The following ADCY5 variants were observed in gnomAD, a reference collection of about 807,000 sequenced individuals.
ADCY5 encodes adenylate cyclase type 5.
A neutral mutation model predicts 119.7 loss-of-function variants in ADCY5; 30 were observed. The observed-to-expected ratio is 0.25, with a 90% CI of 0.19 to 0.34. The LOEUF (loss-of-function observed/expected upper bound fraction) is 0.34. Among genes scored for constraint, ADCY5 ranks in the 10% least tolerant of loss-of-function variants. ADCY5 has a pLI of 1.00. For synonymous variants in ADCY5, 753 were observed against 762.2 expected, an observed-to-expected ratio of 0.99 and a Z score of 0.20; for missense variants, 1,324 against 1,775.2, an observed-to-expected ratio of 0.75 and a Z score of 4.57.
Position 123,286,537 on chromosome 3 carries a change from A to C in ADCY5, c.3657+148T>G. 8.6e-7 allele frequency: 1 copy of C among 1,162,234 alleles called. No individual in the cohort carries two copies. The allele number at this position is 1,162,234 out of a possible 1,614,324, so 72.0% of individuals were successfully genotyped here. Reference sequence around the variant, plus strand: ...ACACAATTGTGTTCTCCAAGCTTCCAAGACATCAGCGTCAACAGCCCCATC... The same window carrying C: ...ACACAATTGTGTTCTCCAAGCTTCCCAGACATCAGCGTCAACAGCCCCATC... On this transcript the variant is annotated intron_variant, in intron 20 of 20. Transcript: ENST00000462833. This position sits in a 1 kb window ranked among gnomAD's most constrained non-coding sequence, Gnocchi z 4.2.
intron 1 of ADCY5, among the ~76,000 whole-genome samples, chr3:123,402,454 T>C (rs1227701741): frequency 6.6e-6 from 1 of 152,212 alleles, no homozygotes; most frequent in Non-Finnish European, 1.5e-5. Context: ...GCCGGCAGGA[T>C]GCTGGAAGCC....
At chr3:123,437,747 A>T (rs1945644825) in intron 1 of ADCY5, among the ~76,000 whole-genome samples, 2 of 152,098 alleles carry the variant, frequency 1.3e-5, no homozygotes, top group African/African-American at 4.8e-5. Flanking sequence ...GTCCGACACT[A>T]CTTCCCCATG....
At chr3:123,357,902 G>T (rs2043429321) in intron 1 of ADCY5, among the ~76,000 whole-genome samples, 1 of 152,248 alleles carries the variant, frequency 6.6e-6, no homozygotes, top group Middle Eastern at 3.4e-3. Flanking sequence ...GACAAGGAAG[G>T]TATGTCCAAA....
chr3:123,324,525 C>T (rs895723322), intron 8 of ADCY5, among the ~76,000 whole-genome samples: 1 of 151,938 alleles, frequency 6.6e-6, no homozygotes, highest in African/African-American at 2.4e-5. Context: ...CACCTGGGAA[C>T]CTGGTGCCCC....
intron 8 of ADCY5, among the ~76,000 whole-genome samples, chr3:123,323,602 C>T (rs530970321): frequency 7.9e-5 from 12 of 152,092 alleles, no homozygotes; most frequent in African/African-American, 2.7e-4. Flanking sequence ...TCTCTCGGCT[C>T]TCCTGCCCCT....
chr3:123,319,613 GCC>G, intron 10 of ADCY5, 59 bp downstream of exon 10: 1 of 1,589,268 alleles, frequency 6.3e-7, no homozygotes. Flanking sequence ...CTGTTTTCTT[GCC>G]CTCCTCCTCC....
At chr3:123,431,780 C>G (rs533974845) in intron 1 of ADCY5, among the ~76,000 whole-genome samples, 1 of 152,214 alleles carries the variant, frequency 6.6e-6, no homozygotes, top group African/African-American at 2.4e-5. Flanking sequence ...CGCCTGCAAT[C>G]ATTTTTAGTG....
At chr3:123,336,664 A>G (rs1942042596) in intron 3 of ADCY5, among the ~76,000 whole-genome samples, 1 of 152,130 alleles carries the variant, frequency 6.6e-6, no homozygotes, top group Admixed American at 6.5e-5. Context: ...AGGCAGACAC[A>G]TGTGGTCCCA....
intron 14 of ADCY5, 61 bp from the exon 15 acceptor site, chr3:123,300,356 C>T (rs1939777261): frequency 6.4e-7 from 1 of 1,555,574 alleles, no homozygotes; most frequent in African/African-American, 1.4e-5. Flanking sequence ...GGCCCTGGCC[C>T]CATGCATCCT....
chr3:123,413,311 G>A (rs971561600), intron 1 of ADCY5, among the ~76,000 whole-genome samples: 3 of 152,332 alleles, frequency 2.0e-5, no homozygotes, highest in Admixed American at 6.5e-5. Context: ...AGCACTTCCC[G>A]TCCCTGACCA....
At chr3:123,318,259 C>A in intron 10 of ADCY5, 142 bp from the exon 11 acceptor site, 1 of 629,686 alleles carries the variant, frequency 1.6e-6, no homozygotes, top group Non-Finnish European at 2.9e-6. Context: ...GACTCGAGAA[C>A]CAGAGTCAAA....
chr3:123,296,929 G>A (rs1939553788), intron 16 of ADCY5: 2 of 1,483,462 alleles, frequency 1.3e-6, no homozygotes, highest in Non-Finnish European at 1.8e-6. Context: ...CCCTTGCCCA[G>A]GCAGCAGCCC....
At chr3:123,426,884 T>C (rs1336574317) in intron 1 of ADCY5, among the ~76,000 whole-genome samples, 1 of 151,962 alleles carries the variant, frequency 6.6e-6, no homozygotes, top group Non-Finnish European at 1.5e-5. Context: ...ACTCTTCGGG[T>C]GCTTAACACC....
At chr3:123,318,954 C>G (rs1300241465) in intron 10 of ADCY5, among the ~76,000 whole-genome samples, 1 of 152,292 alleles carries the variant, frequency 6.6e-6, no homozygotes, top group South Asian at 2.1e-4. Context: ...ACCTTGAGGT[C>G]CCAATGTGAC....
intron 1 of ADCY5, among the ~76,000 whole-genome samples, chr3:123,443,467 C>T (rs111828501): frequency 9.5e-4 from 144 of 152,268 alleles, no homozygotes; most frequent in African/African-American, 3.3e-3. Context: ...CAGATGCGCA[C>T]GTGCTCACGT....
intron 3 of ADCY5, among the ~76,000 whole-genome samples, chr3:123,347,046 C>G (rs1942599319): frequency 6.6e-6 from 1 of 152,158 alleles, no homozygotes; most frequent in East Asian, 1.9e-4. Flanking sequence ...TGGGTGCAGC[C>G]TGGCTGTACC....
intron 4 of ADCY5, 46 bp from the exon 5 acceptor site, chr3:123,331,062 A>G: frequency 6.3e-7 from 1 of 1,577,736 alleles, no homozygotes; most frequent in Non-Finnish European, 8.7e-7. Flanking sequence ...TAGGAAAGAG[A>G]AGTGGGAGGG....
chr3:123,328,540 C>T, intron 6 of ADCY5, 104 bp downstream of exon 6: 1 of 1,384,486 alleles, frequency 7.2e-7, no homozygotes, highest in Non-Finnish European at 9.9e-7. Flanking sequence ...GCCCATCCTG[C>T]CCACCCCACC....
chr3:123,389,028 A>G (rs970021400), intron 1 of ADCY5, among the ~76,000 whole-genome samples: 2 of 151,982 alleles, frequency 1.3e-5, no homozygotes, highest in Non-Finnish European at 2.9e-5. Context: ...TCATGGAAGG[A>G]AGGAGGGAGG....
Sources: gnomAD v4.1 joint callset for allele counts (sites outside exome capture counted in the v4.1 genomes callset) on GRCh38, gnomAD v4.1.1 for gene constraint, Gnocchi (gnomAD v3.1) non-coding constraint, MANE v1.5 for transcripts, NCBI Gene and HGNC (gene_info 2026-07-23, HGNC 2026-07-21) for gene names.